Variants in GPR180 observed in about 807,000 individuals in gnomAD.
GPR180 encodes G protein-coupled receptor 180, also known as integral membrane protein GPR180.
Under a neutral mutation model 52.6 loss-of-function variants are expected in GPR180, and 53 were observed. The observed-to-expected ratio is 1.01, with a 90% CI of 0.81 to 1.27. The LOEUF is 1.27. Ranked by LOEUF, GPR180 falls within the 50% of genes most tolerant of loss-of-function variation. The pLI, the probability that GPR180 is intolerant of heterozygous loss-of-function variation, is 0.00. For synonymous variants in GPR180, 200 were observed against 193.1 expected (o/e 1.04, Z -0.30); for missense variants, 533 against 527.0 (o/e 1.01, Z -0.11).
chr13:94,621,271 C>G, intron 6 of GPR180, 36 bp downstream of exon 6: 1 of 1,471,174 alleles, frequency 6.8e-7, no homozygotes, highest in Non-Finnish European at 9.1e-7. Flanking sequence ...GCTTAGTAAT[C>G]CTCAGAAATG....
chr13:94,624,855 A>T (rs1889905083), intron 7 of GPR180, among the ~76,000 whole-genome samples: 2 of 140,312 alleles, frequency 1.4e-5, no homozygotes, highest in Non-Finnish European at 3.0e-5. Context: ...CTTTTTTAAG[A>T]TGGAGTTTCG....
chr13:94,630,033 G>A lies in GPR180; in HGVS notation c.*2862G>A, dbSNP rs1324589248. On this transcript the variant is annotated 3_prime_UTR_variant, in exon 9 of 9. Transcript: ENST00000376958. ...TCTGTGGTATCAAATCATTGAGGTT[G>A]TTTTTTGTTTGTTTTGAGAATTGAT... The A allele has an allele frequency of 6.6e-6, 1 of 152,168 alleles. No individual in the cohort carries two copies. Among genetic ancestry groups the A allele is most frequent in the Non-Finnish European group, 1.5e-5 (1 of 68,026 alleles). The allele number at this position is 152,168 out of a possible 1,614,324, so 9.4% of individuals were successfully genotyped here. A position where few individuals can be genotyped will look rare whatever the true frequency, so the allele number is the denominator to read the frequency against.
chr13:94,627,996 A>C lies in GPR180; in HGVS notation c.*825A>C, dbSNP rs1199263694. On this transcript the variant is annotated 3_prime_UTR_variant, in exon 9 of 9. Transcript: ENST00000376958. ...ATAGAATTCATTTCTCTTACGTTGA[A>C]TCCCCAATCATAATTAAGCCGTATA... 3 of 152,472 alleles carry C rather than the reference A, an allele frequency of 2.0e-5. No individual in the cohort carries two copies. Among genetic ancestry groups the C allele is most frequent in the African/African-American group, 7.2e-5 (3 of 41,434 alleles). 9.4% of individuals were successfully genotyped at this position (152,472 alleles called of 1,614,324 possible).
At chr13:94,620,199 C>A (rs921031456) in intron 5 of GPR180, among the ~76,000 whole-genome samples, 1 of 152,200 alleles carries the variant, frequency 6.6e-6, no homozygotes, top group Non-Finnish European at 1.5e-5. Flanking sequence ...AATTTTCTTA[C>A]CTCAAAGCTG....
chr13:94,607,047 C>A (rs1410252728), intron 2 of GPR180, among the ~76,000 whole-genome samples: 1 of 152,196 alleles, frequency 6.6e-6, no homozygotes, highest in Non-Finnish European at 1.5e-5. Flanking sequence ...CCCATCCAGA[C>A]CTGGTCCTCT....
At position 94,623,211 on chromosome 13, in the gene GPR180, C is replaced by T. The variant is rs1056449404; in HGVS notation, c.997C>T (p.Leu333=). Residue 333 remains leucine, a synonymous_variant, in exon 7 of 9, where the codon CTA becomes TTA. Coordinates refer to ENST00000376958, the MANE Select transcript of GPR180 (RefSeq NM_180989.6). ...GILLIVLRIC[L]ALSLGCGLYQ... ...CCTCCTAATTGTTCTAAGAATTTGCCTAGCATTGTCATTAGGCTGTGGACT... is the reference window on the plus strand; with the variant it reads ...CCTCCTAATTGTTCTAAGAATTTGCTTAGCATTGTCATTAGGCTGTGGACT... 20 of 1,613,832 alleles carry T rather than the reference C, an allele frequency of 1.2e-5. No homozygotes were observed. The highest frequency in any genetic ancestry group is 1.7e-5 in the Non-Finnish European group (20 of 1,179,896).
intron 3 of GPR180, among the ~76,000 whole-genome samples, chr13:94,617,606 C>G (rs1413548208): frequency 6.6e-6 from 1 of 152,078 alleles, no homozygotes; most frequent in Non-Finnish European, 1.5e-5. Flanking sequence ...CTTTTTGCTG[C>G]TTTTTTCCCC....
intron 3 of GPR180, among the ~76,000 whole-genome samples, chr13:94,613,842 G>A (rs1889743245): frequency 6.7e-6 from 1 of 149,722 alleles, no homozygotes; most frequent in Non-Finnish European, 1.5e-5. Flanking sequence ...TGAATGGATG[G>A]TTGGACTAAA....
At position 94,619,324 on chromosome 13, in the gene GPR180, T is replaced by G; in HGVS notation, c.680T>G (p.Phe227Cys). ...TCAGCTTTAGCTAATTACATTCATT[T>G]CTCCAGGTAACTCAAAACCACTAAA... ...AGSALANYIHFSSYSKDGIGV... is the reference protein window; with the variant it reads ...AGSALANYIHCSSYSKDGIGV... The change falls in exon 4 of 9, where the codon TTC becomes TGC. Residue 227 changes from phenylalanine to cysteine, a missense_variant. Transcript: ENST00000376958. The G allele has an allele frequency of 6.2e-7, 1 of 1,613,754 alleles. No homozygotes were observed. The highest frequency in any genetic ancestry group is 8.5e-7 in the Non-Finnish European group (1 of 1,179,798).
At chr13:94,617,744 C>T (rs1420803971) in intron 3 of GPR180, among the ~76,000 whole-genome samples, 1 of 152,038 alleles carries the variant, frequency 6.6e-6, no homozygotes, top group Non-Finnish European at 1.5e-5. Context: ...TTGGAGTTTA[C>T]CCGAATGGGA....
In GPR180 at chr13:94,621,181, G is replaced by A. The variant is rs765253830; in HGVS notation, c.840G>A (p.Gln280=). The part of the protein sequence containing the change: ...RMKKSQSRPL[Q]WDSTPASTGI... ...AGAAGTCTCAAAGCAGACCTCTCCA[G>A]TGGGATTCTACGCCTGCATCCACTG... The change falls in exon 6 of 9, where the codon CAG becomes CAA. Residue 280 remains glutamine, a synonymous_variant. Transcript: ENST00000376958. 2.5e-6 allele frequency: 4 copies of A among 1,611,870 alleles called. No homozygotes were observed. Among genetic ancestry groups the A allele is most frequent in the South Asian group, 1.1e-5 (1 of 90,640 alleles).
chr13:94,608,247 C>G (rs1463375341), intron 2 of GPR180, among the ~76,000 whole-genome samples: 1 of 152,170 alleles, frequency 6.6e-6, no homozygotes, highest in Non-Finnish European at 1.5e-5. Context: ...GTACAACAAG[C>G]AAGTTGGACT....
rs1429581532 is a variant in GPR180, at chr13:94,628,821, T to C, written c.*1650T>C. On this transcript the variant is annotated 3_prime_UTR_variant, in exon 9 of 9. Coordinates refer to ENST00000376958, the MANE Select transcript of GPR180 (RefSeq NM_180989.6). ...ATGTCTCGCTAATAACCCCAGCTATTGTCTGTTGTGTTCAGCTGAGATGCA... is the reference window on the plus strand; with the variant it reads ...ATGTCTCGCTAATAACCCCAGCTATCGTCTGTTGTGTTCAGCTGAGATGCA... 7 of 152,050 alleles carry C rather than the reference T, an allele frequency of 4.6e-5. No homozygotes were observed. Among genetic ancestry groups the C allele is most frequent in the Non-Finnish European group, 1.5e-5 (1 of 67,938 alleles). 9.4% of individuals were successfully genotyped at this position (152,050 alleles called of 1,614,324 possible).
At chr13:94,609,522 G>A (rs1246052623) in intron 2 of GPR180, among the ~76,000 whole-genome samples, 1 of 152,078 alleles carries the variant, frequency 6.6e-6, no homozygotes, top group Non-Finnish European at 1.5e-5. Flanking sequence ...ATTGGTAAAA[G>A]TGTGGGTTTT....
chr13:94,610,833 C>G (rs994042906), intron 2 of GPR180, among the ~76,000 whole-genome samples: 4 of 152,170 alleles, frequency 2.6e-5, no homozygotes, highest in African/African-American at 9.7e-5. Flanking sequence ...ATCTAACCAG[C>G]TATTGTGACA....
chr13:94,632,588 G>C lies in GPR180; in HGVS notation c.*5417G>C, dbSNP rs1405292283. On this transcript the variant is annotated 3_prime_UTR_variant, in exon 9 of 9. Coordinates refer to ENST00000376958, the MANE Select transcript of GPR180 (RefSeq NM_180989.6). Reference sequence around the variant, plus strand: ...TACAGACAAGGCTGAAATTAAGACAGTAATCAAGAATTTGCCAAGACTTCC... The same window carrying C: ...TACAGACAAGGCTGAAATTAAGACACTAATCAAGAATTTGCCAAGACTTCC... 1 of 152,174 alleles carries C rather than the reference G, an allele frequency of 6.6e-6. No homozygotes were observed. The highest frequency in any genetic ancestry group is 2.4e-5 in the African/African-American group (1 of 41,436). 9.4% of individuals were successfully genotyped at this position (152,174 alleles called of 1,614,324 possible). A position where few individuals can be genotyped will look rare whatever the true frequency, so the allele number is the denominator to read the frequency against.
In GPR180 at chr13:94,619,150, G is replaced by T. The variant is rs756863857; in HGVS notation, c.506G>T (p.Gly169Val). Residue 169 changes from glycine to valine, a missense_variant and splice_region_variant, in exon 4 of 9, where the codon GGG becomes GTG. By Grantham distance (109) the Gly-to-Val change is moderately radical. Transcript: ENST00000376958. ...CAAACTCCCTTTCTTCTCTTCACAG[G>T]GTTACATGAGTTCTTTTTCCTCCTA... ...PFDHFSAGES[G>V]LHEFFFLLVL... 5 of 1,612,888 alleles carry T rather than the reference G, an allele frequency of 3.1e-6. No individual in the cohort carries two copies. In the African/African-American group the frequency reaches 6.7e-5, roughly 22 times the overall value.
At chr13:94,623,445 G>C in intron 7 of GPR180, 145 bp downstream of exon 7, 1 of 613,920 alleles carries the variant, frequency 1.6e-6, no homozygotes, top group Non-Finnish European at 2.8e-6. Context: ...CAGTGCTTTG[G>C]AAGGCCAAGA....
intron 1 of GPR180, among the ~76,000 whole-genome samples, chr13:94,602,730 G>A (rs573290663): frequency 1.3e-5 from 2 of 152,128 alleles, no homozygotes; most frequent in African/African-American, 4.8e-5. Context: ...TCAGAGTTGC[G>A]TTTGATTTCA....
Sources: allele counts gnomAD v4.1 joint callset (sites outside exome capture counted in the v4.1 genomes callset), GRCh38; gene constraint gnomAD v4.1.1; transcripts MANE v1.5; gene names NCBI Gene and HGNC (gene_info 2026-07-23, HGNC 2026-07-21).